The following CYRIA variants were observed in gnomAD, a reference collection of about 807,000 sequenced individuals.
The protein encoded by CYRIA is CYFIP-related Rac1 interactor A.
In CYRIA, 15 loss-of-function variants were observed where a neutral mutation model predicts 43.9. That is an observed-to-expected ratio of 0.34 (90% CI 0.23 to 0.53). The LOEUF is 0.53. Among genes scored for constraint, CYRIA ranks in the 20% least tolerant of loss-of-function variants. The probability of loss-of-function intolerance (pLI) is 0.94; values close to 1 mark genes in which losing one functional copy is unlikely to be tolerated. For missense variants in CYRIA, 236 were observed against 394.2 expected (o/e 0.60, Z 3.40); for synonymous variants, 117 against 136.0 (o/e 0.86, Z 0.97).
chr2:16,657,152 G>C (rs1237457362), intron 1 of CYRIA, among the ~76,000 whole-genome samples: 3 of 152,196 alleles, frequency 2.0e-5, no homozygotes, highest in Admixed American at 6.5e-5. Context: ...GTTCCTAGGG[G>C]CCAAGGAAGA....
intron 3 of CYRIA, among the ~76,000 whole-genome samples, chr2:16,577,548 T>C (rs561936789): frequency 1.3e-5 from 2 of 152,294 alleles, no homozygotes; most frequent in Non-Finnish European, 2.9e-5. Context: ...CTAGGAGATA[T>C]GACACCACAG....
chr2:16,556,192 G>A lies in CYRIA; in HGVS notation c.838-1053C>T, dbSNP rs758857472. On this transcript the variant is annotated intron_variant, in intron 10 of 11. Coordinates refer to ENST00000381323, the MANE Select transcript of CYRIA (RefSeq NM_030797.4). ...TTGCATGTCAAAAGTTTTATCTTAC[G>A]GCCTGATAGACCCTGATAGACTGAT... is the stretch of plus-strand genomic sequence containing the variant. Among the ~76,000 whole-genome samples, 6 of 152,084 alleles carry A rather than the reference G, an allele frequency of 3.9e-5. No individual in the cohort carries two copies. The South Asian group carries it at 1.0e-3, about 26-fold the overall frequency.
At position 16,558,519 on chromosome 2, in the gene CYRIA, C is replaced by T. The variant is rs113305891; in HGVS notation, c.837+941G>A. Among the ~76,000 whole-genome samples the T allele has an allele frequency of 2.6e-5, 4 of 152,220 alleles. 1 individual carries two copies. The highest frequency in any genetic ancestry group is 9.6e-5 in the African/African-American group (4 of 41,554). Reference sequence around the variant, plus strand: ...TAAGTTACTACCAAGAGATGCTATTCTGCACTTTAAAGGCTTTAAATGAGT... The same window carrying T: ...TAAGTTACTACCAAGAGATGCTATTTTGCACTTTAAAGGCTTTAAATGAGT... On this transcript the variant is annotated intron_variant, in intron 10 of 11. Transcript: ENST00000381323.
intron 2 of CYRIA, among the ~76,000 whole-genome samples, chr2:16,609,127 A>G (rs906327316): frequency 6.6e-6 from 1 of 152,204 alleles, no homozygotes; most frequent in Non-Finnish European, 1.5e-5. Context: ...TTTCCTGCCA[A>G]GGAGACATTT....
At chr2:16,565,101 G>C (rs1428055880) in intron 4 of CYRIA, among the ~76,000 whole-genome samples, 1 of 151,886 alleles carries the variant, frequency 6.6e-6, no homozygotes, top group Non-Finnish European at 1.5e-5. Flanking sequence ...TGTTTGAGAA[G>C]AGAATGGGTA....
chr2:16,649,273 T>A lies in CYRIA; in HGVS notation c.-167+16507A>T, dbSNP rs753713178. Among the ~76,000 whole-genome samples the A allele has an allele frequency of 2.0e-4, 30 of 152,194 alleles. 1 individual carries two copies. Among genetic ancestry groups the A allele is most frequent in the Non-Finnish European group, 2.8e-4 (19 of 68,032 alleles). ...ACTTGATCTTCTGCAGATTTTGATA[T>A]CTTGGGAGAGGGATGGTCTCTCTCC... On this transcript the variant is annotated intron_variant, in intron 1 of 11. Coordinates refer to ENST00000381323, the MANE Select transcript of CYRIA (RefSeq NM_030797.4).
chr2:16,632,772 A>T (rs894802975), intron 1 of CYRIA, among the ~76,000 whole-genome samples: 3 of 152,178 alleles, frequency 2.0e-5, no homozygotes, highest in Admixed American at 6.5e-5. Context: ...GGCAAGGGTC[A>T]TCCCTGGCCT....
intron 3 of CYRIA, among the ~76,000 whole-genome samples, chr2:16,577,285 T>C (rs1667386031): frequency 1.3e-5 from 2 of 152,158 alleles, no homozygotes; most frequent in African/African-American, 4.8e-5. Flanking sequence ...CAGAGAAATA[T>C]CTATACATAC....
At chr2:16,587,668 T>C (rs1218305728) in intron 3 of CYRIA, among the ~76,000 whole-genome samples, 1 of 152,092 alleles carries the variant, frequency 6.6e-6, no homozygotes, top group Non-Finnish European at 1.5e-5. Flanking sequence ...AGGGACCAGA[T>C]GGGAGGTAAC....
chr2:16,555,089 C>G lies in CYRIA; in HGVS notation c.888G>C (p.Glu296Asp). The G allele has an allele frequency of 6.2e-7, 1 of 1,613,360 alleles. No homozygotes were observed. The highest frequency in any genetic ancestry group is 8.5e-7 in the Non-Finnish European group (1 of 1,179,624). The change falls in exon 11 of 12, where the codon GAG becomes GAC. Residue 296 changes from glutamate (E) to aspartate (D), a missense_variant. Physicochemically the swap from Glu to Asp is conservative, Grantham distance 45. Coordinates refer to ENST00000381323, the MANE Select transcript of CYRIA (RefSeq NM_030797.4). ...CTCACCTGAGGGCATTTAGCAGCCC[C>G]TCCACACTGTCTGGGGCCTGCTCCT... Reference protein sequence around the residue: ...VLKEQAPDSVEGLLNALRFTT... With the variant: ...VLKEQAPDSVDGLLNALRFTT...
At chr2:16,605,147 C>A (rs1668353337) in intron 2 of CYRIA, among the ~76,000 whole-genome samples, 1 of 151,948 alleles carries the variant, frequency 6.6e-6, no homozygotes, top group African/African-American at 2.4e-5. Context: ...AACCACGAAA[C>A]CATTATGGAA....
At chr2:16,582,945 C>T (rs1292479004) in intron 3 of CYRIA, among the ~76,000 whole-genome samples, 1 of 152,118 alleles carries the variant, frequency 6.6e-6, no homozygotes, top group Non-Finnish European at 1.5e-5. Flanking sequence ...AGACTGTTTT[C>T]CAAAGCAGAT....
At chr2:16,641,873 T>A (rs1669687199) in intron 1 of CYRIA, among the ~76,000 whole-genome samples, 1 of 152,216 alleles carries the variant, frequency 6.6e-6, no homozygotes, top group Admixed American at 6.5e-5. Flanking sequence ...TCTCTCTTCA[T>A]CTTTATTAAA....
At chr2:16,664,451 C>G (rs952273284) in intron 1 of CYRIA, among the ~76,000 whole-genome samples, 1 of 152,212 alleles carries the variant, frequency 6.6e-6, no homozygotes, top group African/African-American at 2.4e-5. Flanking sequence ...AAACTGTCAC[C>G]ATAGCAACAC....
chr2:16,553,061 A>G lies in CYRIA; in HGVS notation c.909-62T>C, dbSNP rs1228557129. The G allele has an allele frequency of 4.8e-6, 5 of 1,038,430 alleles. No homozygotes were observed. The Admixed American group carries it at 6.9e-5, about 14-fold the overall frequency. The allele number at this position is 1,038,430 out of a possible 1,614,324, so 64.3% of individuals were successfully genotyped here. On this transcript the variant is annotated intron_variant, in intron 11 of 11. Transcript: ENST00000381323. ...CAGTGCTCTGTGTAAGCTTCAGCCC[A>G]TCTTTACCTTCGGAAACACAATTGA...
intron 2 of CYRIA, chr2:16,622,901 G>A (rs1255604071): frequency 6.6e-6 from 1 of 152,174 alleles, no homozygotes; most frequent in Non-Finnish European, 1.5e-5. Context: ...GACAATCCTG[G>A]GAATGCAAAA....
chr2:16,602,614 C>T (rs1668251074), intron 2 of CYRIA, among the ~76,000 whole-genome samples: 1 of 151,972 alleles, frequency 6.6e-6, no homozygotes, highest in Non-Finnish European at 1.5e-5. Context: ...ATATACAGGC[C>T]CCCTACATCC....
At chr2:16,611,365 AAAAATAAATAAAT>A (rs879742221) in intron 2 of CYRIA, among the ~76,000 whole-genome samples, 25 of 152,320 alleles carry the variant, frequency 1.6e-4, no homozygotes, top group Admixed American at 3.3e-4. Context: ...CGCCATCTCA[AAAAATAAATAAAT>A]AAATCTGGTA....
intron 1 of CYRIA, among the ~76,000 whole-genome samples, chr2:16,637,122 A>T (rs928606207): frequency 6.9e-6 from 1 of 145,482 alleles, no homozygotes; most frequent in Non-Finnish European, 1.5e-5. Flanking sequence ...TGTGATGCCC[A>T]GGCTGAGTGA....
Sources: allele counts gnomAD v4.1 joint callset (sites outside exome capture counted in the v4.1 genomes callset), GRCh38; gene constraint gnomAD v4.1.1; transcripts MANE v1.5; gene names NCBI Gene and HGNC (gene_info 2026-07-23, HGNC 2026-07-21).